The following TENM2 variants were observed in gnomAD, a reference collection of about 807,000 sequenced individuals.
TENM2 encodes the protein teneurin transmembrane protein 2, also known as teneurin-2.
In TENM2, 52 loss-of-function variants were observed where a neutral mutation model predicts 245.2. The ratio of observed to expected loss-of-function variants is 0.21; its 90% CI spans 0.17 to 0.27. The LOEUF is 0.27. Among genes scored for constraint, TENM2 ranks in the 10% least tolerant of loss-of-function variants. The pLI is 1.00. For missense variants in TENM2, 3,046 were observed against 3,666.8 expected (o/e 0.83, Z 4.37); for synonymous variants, 1,363 against 1,438.9 (o/e 0.95, Z 1.19).
intron 2 of TENM2, among the ~76,000 whole-genome samples, chr5:167,462,830 A>G (rs1766404764): frequency 6.6e-6 from 1 of 152,026 alleles, no homozygotes; most frequent in African/African-American, 2.4e-5. Context: ...GCCTGTTCTC[A>G]TTTAGAGCTG....
At chr5:167,601,323 G>T (rs1406637354) in intron 2 of TENM2, among the ~76,000 whole-genome samples, 1 of 152,242 alleles carries the variant, frequency 6.6e-6, no homozygotes, top group Non-Finnish European at 1.5e-5. Context: ...TTTAAATGTG[G>T]TAGTGTGACT....
the TENM2 span, among the ~76,000 whole-genome samples, chr5:167,207,694 G>A: frequency 1.3e-5 from 2 of 152,094 alleles, no homozygotes; most frequent in African/African-American, 4.8e-5. Flanking sequence ...ATGAGACAGC[G>A]TGCATGAGAG....
At chr5:168,204,293 C>T in intron 18 of TENM2, 79 bp from the exon 21 acceptor site, 1 of 1,463,118 alleles carries the variant, frequency 6.8e-7, no homozygotes, top group Non-Finnish European at 9.2e-7. Context: ...TTTGTCTCTT[C>T]CCCTCCCTCC....
chr5:167,616,447 G>C (rs1777793043), intron 2 of TENM2, among the ~76,000 whole-genome samples: 1 of 152,078 alleles, frequency 6.6e-6, no homozygotes, highest in African/African-American at 2.4e-5. Flanking sequence ...GATTAAAGGA[G>C]CCAAATCTAT....
At chr5:167,761,026 G>A (rs1000512092) in intron 2 of TENM2, among the ~76,000 whole-genome samples, 3 of 152,128 alleles carry the variant, frequency 2.0e-5, no homozygotes, top group South Asian at 2.1e-4. Context: ...TCTCTGTGGC[G>A]GAAATGTCCA....
chr5:167,738,415 A>G (rs1318674870), intron 2 of TENM2, among the ~76,000 whole-genome samples: 1 of 152,164 alleles, frequency 6.6e-6, no homozygotes, highest in Non-Finnish European at 1.5e-5. Flanking sequence ...TTTATTGTTA[A>G]GTCTGATTAA....
At chr5:167,284,333 G>A (rs1771212682), upstream of TENM2, among the ~76,000 whole-genome samples, 1 of 152,026 alleles carries the variant, frequency 6.6e-6, no homozygotes, top group Admixed American at 6.6e-5. Flanking sequence ...ACCTTTCTTT[G>A]CCTTTTGTTT....
rs140603662 is a variant in TENM2 at position 167,614,378 on chromosome 5, G to A, written c.502+238905G>A. On this transcript the variant is annotated intron_variant, in intron 2 of 28. Transcript: ENST00000518659. ...TAGGATCCTCTCCTTCACCCAGCGA[G>A]AAGGCCAAGGTCAACTTTTGGCTCC... Among the ~76,000 whole-genome samples the A allele has an allele frequency of 7.9e-3, 1,195 of 152,142 alleles. 16 individuals are homozygous for A. Among genetic ancestry groups the A allele is most frequent in the African/African-American group, 0.027 (1,130 of 41,520 alleles).
intron 3 of TENM2, among the ~76,000 whole-genome samples, chr5:167,911,114 G>T (rs546487153): frequency 2.1e-4 from 32 of 152,094 alleles, no homozygotes; most frequent in Admixed American, 7.9e-4. Context: ...TTGTAGTAAG[G>T]TACAATCATA....
chr5:167,959,782 T>C (rs1158814265), intron 4 of TENM2, among the ~76,000 whole-genome samples: 1 of 152,238 alleles, frequency 6.6e-6, no homozygotes, highest in African/African-American at 2.4e-5. Flanking sequence ...GAAGAGGTGT[T>C]CTGGTTTTTG....
intron 2 of TENM2, among the ~76,000 whole-genome samples, chr5:167,376,543 A>G (rs1760763765): frequency 6.6e-6 from 1 of 152,204 alleles, no homozygotes; most frequent in African/African-American, 2.4e-5. Flanking sequence ...ACTGTGTTGA[A>G]AATACATCAT....
chr5:168,255,940 G>A (rs1767612304), intron 27 of TENM2, among the ~76,000 whole-genome samples: 1 of 151,944 alleles, frequency 6.6e-6, no homozygotes, highest in South Asian at 2.1e-4. Context: ...TGAGTAGCTG[G>A]GATTACAGGC....
At chr5:168,219,133 C>T in intron 23 of TENM2, 134 bp downstream of exon 25, 3 of 839,162 alleles carry the variant, frequency 3.6e-6, no homozygotes, top group Non-Finnish European at 3.7e-6. Flanking sequence ...CTTATGGCCT[C>T]AAGACATTCA....
Position 168,144,365 on chromosome 5 carries a change from A to G in TENM2, c.2422+17399A>G, listed in dbSNP as rs538456779. Among the ~76,000 whole-genome samples the G allele has an allele frequency of 3.3e-5, 5 of 150,402 alleles. No homozygotes were observed. The East Asian group carries it at 7.9e-4, about 24-fold the overall frequency. ...CCCACAACAGTCCCCAAAGTGTGAT[A>G]TTCCCCTTCCTGTGTGCATGTGATC... On this transcript the variant is annotated intron_variant, in intron 12 of 28. Coordinates refer to ENST00000518659, the Ensembl canonical transcript of TENM2.
intron 1 of TENM2, among the ~76,000 whole-genome samples, chr5:167,344,309 C>CACACATAT (rs1554136979): frequency 2.4e-5 from 2 of 84,504 alleles, no homozygotes; most frequent in African/African-American, 6.6e-5. Context: ...CACACACACA[C>CACACATAT]ATATATATAT....
chr5:167,353,500 GTTT>G (rs59240930), intron 1 of TENM2, among the ~76,000 whole-genome samples: 14 of 79,440 alleles, frequency 1.8e-4, no homozygotes, highest in African/African-American at 2.1e-4. Flanking sequence ...TGTTGTTGTT[GTTT>G]TTTTTTTTTT....
chr5:167,918,273 T>C (rs975036058), intron 3 of TENM2, among the ~76,000 whole-genome samples: 10 of 152,168 alleles, frequency 6.6e-5, no homozygotes, highest in Admixed American at 3.3e-4. Context: ...GAGATGTGTA[T>C]TGAGCGAGCG....
chr5:167,037,299 T>C, the TENM2 span, among the ~76,000 whole-genome samples: 2 of 152,220 alleles, frequency 1.3e-5, no homozygotes, highest in Non-Finnish European at 2.9e-5. Flanking sequence ...TGCAGCAAGC[T>C]TGAAGCTATG....
At chr5:168,188,247 A>G (rs1457912415) in intron 13 of TENM2, among the ~76,000 whole-genome samples, 1 of 152,220 alleles carries the variant, frequency 6.6e-6, no homozygotes, top group African/African-American at 2.4e-5. Context: ...CAGGCCTCTG[A>G]TTCAGCGTTC....
Sources: gnomAD v4.1 joint callset for allele counts (sites outside exome capture counted in the v4.1 genomes callset) on GRCh38, gnomAD v4.1.1 for gene constraint, MANE v1.5 for transcripts, NCBI Gene and HGNC (gene_info 2026-07-23, HGNC 2026-07-21) for gene names.